Variants in NCAM2 observed in about 807,000 individuals in gnomAD.
NCAM2 encodes the protein neural cell adhesion molecule 2.
Under a neutral mutation model 98.1 loss-of-function variants are expected in NCAM2, and 30 were observed. That is an observed-to-expected ratio of 0.31 (90% CI 0.23 to 0.41). NCAM2 has a LOEUF of 0.41. Ranked by LOEUF, NCAM2 falls within the 10% of genes least tolerant of loss-of-function variation. The probability of loss-of-function intolerance (pLI) is 1.00; values close to 1 mark genes in which losing one functional copy is unlikely to be tolerated. For synonymous variants in NCAM2, 368 were observed against 342.4 expected (o/e 1.07, Z -0.83); for missense variants, 867 against 1,005.8 (o/e 0.86, Z 1.87).
intron 1 of NCAM2, among the ~76,000 whole-genome samples, chr21:21,036,685 C>T (rs1160246901): frequency 6.6e-6 from 1 of 152,018 alleles, no homozygotes; most frequent in Non-Finnish European, 1.5e-5. Flanking sequence ...AGAACAATGG[C>T]CTTGGGACCA....
intron 1 of NCAM2, among the ~76,000 whole-genome samples, chr21:21,057,510 C>T (rs975721246): frequency 6.6e-6 from 1 of 152,038 alleles, no homozygotes. Context: ...AGTGTCGGAG[C>T]ACTTATATTC....
intron 15 of NCAM2, among the ~76,000 whole-genome samples, chr21:21,480,557 G>A (rs1400086670): frequency 6.6e-6 from 1 of 152,032 alleles, no homozygotes; most frequent in Non-Finnish European, 1.5e-5. Flanking sequence ...GAACCTGGAA[G>A]TGTGTGACTA....
At chr21:21,348,679 C>A (rs1163614131) in intron 8 of NCAM2, among the ~76,000 whole-genome samples, 1 of 152,056 alleles carries the variant, frequency 6.6e-6, no homozygotes, top group African/African-American at 2.4e-5. Context: ...TACCTGACTT[C>A]AAATGATACT....
intron 1 of NCAM2, among the ~76,000 whole-genome samples, chr21:21,086,161 T>C (rs1249186059): frequency 1.3e-5 from 2 of 152,218 alleles, no homozygotes; most frequent in Non-Finnish European, 2.9e-5. Context: ...ACACATTTCC[T>C]GTAAAAGAGA....
At chr21:21,244,820 C>T (rs73316793) in intron 1 of NCAM2, among the ~76,000 whole-genome samples, 2,680 of 129,170 alleles carry the variant, frequency 0.021, 87 homozygotes, top group African/African-American at 0.075. Flanking sequence ...GCACTCCTAC[C>T]TGGGGACAGA....
At chr21:21,444,562 G>T (rs1979804118) in intron 12 of NCAM2, among the ~76,000 whole-genome samples, 1 of 152,026 alleles carries the variant, frequency 6.6e-6, no homozygotes, top group Admixed American at 6.6e-5. Flanking sequence ...TTTGGTCATG[G>T]GAGGGTGTAT....
chr21:21,520,847 G>A (rs903525120), intron 16 of NCAM2, among the ~76,000 whole-genome samples: 13 of 151,844 alleles, frequency 8.6e-5, no homozygotes, highest in African/African-American at 2.9e-4. Flanking sequence ...GTAGAGGCTC[G>A]ATGTGGACAA....
Position 21,251,099 on chromosome 21 carries a change from A to G in NCAM2, c.56-29479A>G, listed in dbSNP as rs143850851. ...TCGTGATTTTTTTTCCTTATTGATT[A>G]TAAGTCATTAGAGAAAGCTAAGTGC... On this transcript the variant is annotated intron_variant, in intron 1 of 17. Coordinates refer to ENST00000400546, the MANE Select transcript of NCAM2 (RefSeq NM_004540.5). 7.0e-4 allele frequency among the ~76,000 whole-genome samples: 106 copies of G among 152,258 alleles called. 3 individuals carry two copies. Among genetic ancestry groups the G allele is most frequent in the Admixed American group, 6.5e-5 (1 of 15,290 alleles).
At chr21:21,515,390 T>A (rs1466644027) in intron 16 of NCAM2, among the ~76,000 whole-genome samples, 1 of 152,278 alleles carries the variant, frequency 6.6e-6, no homozygotes, top group East Asian at 1.9e-4. Flanking sequence ...GAATGCATTA[T>A]AACTAAACAA....
intron 16 of NCAM2, among the ~76,000 whole-genome samples, chr21:21,521,139 G>A (rs1189830286): frequency 6.6e-6 from 1 of 152,026 alleles, no homozygotes; most frequent in Admixed American, 6.6e-5. Context: ...ACACCACCCG[G>A]CTCTATGTTT....
intron 5 of NCAM2, among the ~76,000 whole-genome samples, chr21:21,320,385 A>G (rs1038321481): frequency 1.3e-5 from 2 of 152,110 alleles, no homozygotes; most frequent in African/African-American, 4.8e-5. Flanking sequence ...CCATCATTTT[A>G]TACTTTGCAT....
At chr21:21,473,275 C>A (rs1195036774) in intron 14 of NCAM2, among the ~76,000 whole-genome samples, 2 of 147,276 alleles carry the variant, frequency 1.4e-5, no homozygotes, top group African/African-American at 5.0e-5. Flanking sequence ...GTAAACTCTT[C>A]TTGAATTCTG....
intron 1 of NCAM2, among the ~76,000 whole-genome samples, chr21:21,066,580 TA>T (rs2065442414): frequency 6.6e-6 from 1 of 152,164 alleles, no homozygotes; most frequent in African/African-American, 2.4e-5. Flanking sequence ...TTGATGCCTC[TA>T]TGCGCAAGAA....
intron 10 of NCAM2, among the ~76,000 whole-genome samples, chr21:21,415,529 G>T (rs1382159335): frequency 6.6e-6 from 1 of 151,772 alleles, no homozygotes; most frequent in Admixed American, 6.6e-5. Context: ...TAGAGACAGG[G>T]TTTCACCGTG....
At chr21:21,419,308 T>G (rs2077061627) in intron 11 of NCAM2, among the ~76,000 whole-genome samples, 1 of 35,930 alleles carries the variant, frequency 2.8e-5, no homozygotes, top group Non-Finnish European at 6.4e-5. Context: ...TAGGGAACTT[T>G]TTTTTTTTTT....
intron 8 of NCAM2, among the ~76,000 whole-genome samples, chr21:21,350,019 G>A (rs1052153915): frequency 2.6e-5 from 4 of 152,062 alleles, no homozygotes; most frequent in Non-Finnish European, 4.4e-5. Context: ...AACAGGGTGA[G>A]TATAGTTAAT....
At chr21:21,166,869 C>G (rs2067968608) in intron 1 of NCAM2, among the ~76,000 whole-genome samples, 1 of 152,274 alleles carries the variant, frequency 6.6e-6, no homozygotes, top group East Asian at 1.9e-4. Flanking sequence ...TATTGCATCT[C>G]TCTCAAAAAG....
chr21:21,000,534 G>A (rs896038451), intron 1 of NCAM2, among the ~76,000 whole-genome samples: 6 of 152,062 alleles, frequency 3.9e-5, no homozygotes, highest in African/African-American at 1.4e-4. Context: ...TTGTGATTCA[G>A]CTAATTTGTA....
At chr21:21,149,460 A>T (rs2067381920) in intron 1 of NCAM2, among the ~76,000 whole-genome samples, 1 of 152,294 alleles carries the variant, frequency 6.6e-6, no homozygotes, top group East Asian at 1.9e-4. Flanking sequence ...CAGGTTTGTT[A>T]CATAGGTATA....
Sources: gnomAD v4.1 joint callset for allele counts (sites outside exome capture counted in the v4.1 genomes callset) on GRCh38, gnomAD v4.1.1 for gene constraint, MANE v1.5 for transcripts, NCBI Gene and HGNC (gene_info 2026-07-23, HGNC 2026-07-21) for gene names.